The following ATP8A1 variants were observed in gnomAD, a reference collection of about 807,000 sequenced individuals.
ATP8A1 encodes phospholipid-transporting ATPase IA.
In ATP8A1, 90 loss-of-function variants were observed where a neutral mutation model predicts 177.7. The ratio of observed to expected loss-of-function variants is 0.51; its 90% CI spans 0.43 to 0.60. The LOEUF (loss-of-function observed/expected upper bound fraction) is 0.60, where lower values mean the gene tolerates loss of function less well. ATP8A1 is among the 20% of genes least tolerant of loss of function. ATP8A1 has a pLI of 0.00. For synonymous variants in ATP8A1, 493 were observed against 485.9 expected (o/e 1.01, Z -0.19); for missense variants, 1,072 against 1,392.8 (o/e 0.77, Z 3.67).
rs144122486 is a variant in ATP8A1 at position 42,631,592 on chromosome 4, C to T, written c.50-4483G>A. ...ACCTCTTAAAAGTTTGTTGCAATAT[C>T]TTGACAATGAGGCCATGATACTTCA... is the stretch of plus-strand genomic sequence containing the variant. On this transcript the variant is annotated intron_variant, in intron 1 of 36. Coordinates refer to ENST00000381668, the MANE Select transcript of ATP8A1 (RefSeq NM_006095.2). Among the ~76,000 whole-genome samples, 468 of 152,284 alleles carry T rather than the reference C, an allele frequency of 3.1e-3. 3 individuals are homozygous for T. Among genetic ancestry groups the T allele is most frequent in the African/African-American group, 0.011 (443 of 41,562 alleles).
chr4:42,442,510 T>C (rs536392012), intron 33 of ATP8A1, among the ~76,000 whole-genome samples: 2 of 152,344 alleles, frequency 1.3e-5, no homozygotes, highest in South Asian at 2.1e-4. Context: ...TTTCACAATA[T>C]ATGTTTCAAA....
intron 20 of ATP8A1, among the ~76,000 whole-genome samples, chr4:42,532,757 T>C (rs1034864441): frequency 6.6e-6 from 1 of 152,236 alleles, no homozygotes; most frequent in African/African-American, 2.4e-5. Flanking sequence ...GTGACTTGCA[T>C]GTATACATCC....
At chr4:42,536,962 C>T (rs572012871) in intron 20 of ATP8A1, among the ~76,000 whole-genome samples, 46 of 152,060 alleles carry the variant, frequency 3.0e-4, no homozygotes, top group African/African-American at 1.1e-3. Context: ...GAAACCCTGT[C>T]TCTACTAAAA....
intron 22 of ATP8A1, among the ~76,000 whole-genome samples, chr4:42,515,315 AAG>A (rs1560411078): frequency 6.6e-6 from 1 of 152,232 alleles, no homozygotes; most frequent in Non-Finnish European, 1.5e-5. Context: ...TGCAGCTACT[AAG>A]AATAGATGTG....
intron 25 of ATP8A1, among the ~76,000 whole-genome samples, chr4:42,473,367 C>T (rs1173688123): frequency 6.6e-6 from 1 of 152,142 alleles, no homozygotes; most frequent in Admixed American, 6.5e-5. Flanking sequence ...TCTGAAGAGA[C>T]AGAAATTTTT....
rs1364291768 is a variant in ATP8A1 at position 42,424,786 on chromosome 4, C to T, written c.3124-1081G>A. Among the ~76,000 whole-genome samples, 8 of 152,052 alleles carry T rather than the reference C, an allele frequency of 5.3e-5. No individual in the cohort carries two copies. In the East Asian group the frequency reaches 9.6e-4, roughly 18 times the overall value. Reference sequence around the variant, plus strand: ...TTGACATGAGCTTATCGATACAGACCGCAGGTTCAGGGACGCTAAGATTTT... The same window carrying T: ...TTGACATGAGCTTATCGATACAGACTGCAGGTTCAGGGACGCTAAGATTTT... On this transcript the variant is annotated intron_variant, in intron 33 of 36. Coordinates refer to ENST00000381668, the MANE Select transcript of ATP8A1 (RefSeq NM_006095.2).
Position 42,455,358 on chromosome 4 carries a change from T to G in ATP8A1, c.2756A>C (p.Asn919Thr). The G allele has an allele frequency of 6.2e-7, 1 of 1,613,948 alleles. No homozygotes were observed. Among genetic ancestry groups the G allele is most frequent in the Non-Finnish European group, 8.5e-7 (1 of 1,179,828 alleles). Residue 919 changes from asparagine (N) to threonine (T), a missense_variant, in exon 29 of 37, where the codon AAC (asparagine) becomes ACC (threonine). This residue lies in a region of ATP8A1 where 316 missense variants were observed against 459.1 expected (regional missense o/e 0.69). Coordinates refer to ENST00000381668, the MANE Select transcript of ATP8A1 (RefSeq NM_006095.2). ...GTATAATTCAGGGTACTTCAACATGTTCTCTTTTCTGCATGATCTCTCAAA... is the reference window on the plus strand; with the variant it reads ...GTATAATTCAGGGTACTTCAACATGGTCTCTTTTCTGCATGATCTCTCAAA... ...GIFERSCRKE[N>T]MLKYPELYKT...
At chr4:42,551,339 C>T in intron 17 of ATP8A1, 59 bp from the exon 18 acceptor site, 2 of 1,198,506 alleles carry the variant, frequency 1.7e-6, no homozygotes, top group African/African-American at 1.5e-5. Context: ...ATTCTCAGCA[C>T]AAGAGAAGTA....
chr4:42,648,731 AG>A (rs1314863303), intron 1 of ATP8A1, among the ~76,000 whole-genome samples: 2 of 152,220 alleles, frequency 1.3e-5, no homozygotes, highest in African/African-American at 2.4e-5. Context: ...ACTATGAATA[AG>A]GAAAAAAGGT....
At chr4:42,642,482 A>G (rs564381719) in intron 1 of ATP8A1, among the ~76,000 whole-genome samples, 2 of 152,230 alleles carry the variant, frequency 1.3e-5, no homozygotes, top group Admixed American at 1.3e-4. Context: ...TAGCTAAAGA[A>G]GACGACAGAA....
At chr4:42,617,842 C>T (rs1378439987) in intron 4 of ATP8A1, among the ~76,000 whole-genome samples, 1 of 152,156 alleles carries the variant, frequency 6.6e-6, no homozygotes, top group Non-Finnish European at 1.5e-5. Context: ...GGTTACTTGT[C>T]ATGAAACAAG....
chr4:42,551,076 A>G, intron 18 of ATP8A1, 122 bp downstream of exon 18: 1 of 734,856 alleles, frequency 1.4e-6, no homozygotes, highest in Non-Finnish European at 2.4e-6. Flanking sequence ...AAGAACACCC[A>G]GTAGTTGCTT....
rs540525170 is a variant in ATP8A1, at chr4:42,421,432, A to T, written c.3305+1375T>A. Among the ~76,000 whole-genome samples the T allele has an allele frequency of 3.3e-5, 5 of 152,278 alleles. No individual in the cohort carries two copies. In the South Asian group the frequency reaches 1.0e-3, roughly 32 times the overall value. On this transcript the variant is annotated intron_variant, in intron 35 of 36. Transcript: ENST00000381668. ...TCCAGGCCCAGATCTGTCACTAACA[A>T]CTTTGGGAACTTCATCTCTCGAAGC...
At chr4:42,427,194 C>T (rs1166582960) in intron 33 of ATP8A1, among the ~76,000 whole-genome samples, 2 of 152,068 alleles carry the variant, frequency 1.3e-5, no homozygotes, top group Non-Finnish European at 2.9e-5. Flanking sequence ...TTTACGAAAA[C>T]GTAGAACTTC....
chr4:42,437,101 C>T lies in ATP8A1; in HGVS notation c.3123+6464G>A, dbSNP rs1179794848. On this transcript the variant is annotated intron_variant, in intron 33 of 36. Transcript: ENST00000381668. The stretch of plus-strand genomic sequence containing the variant: ...TCAGTAGTTTTATAGATCCCTTAGG[C>T]CAGGGAGAGCAGAAACAGATGGTGC... Among the ~76,000 whole-genome samples the T allele has an allele frequency of 2.0e-5, 3 of 152,234 alleles. No homozygotes were observed. The East Asian group carries it at 5.8e-4, about 29-fold the overall frequency.
At chr4:42,552,429 T>C (rs953898726) in intron 17 of ATP8A1, 76 bp downstream of exon 17, 2 of 1,251,868 alleles carry the variant, frequency 1.6e-6, no homozygotes, top group Non-Finnish European at 2.2e-6. Context: ...TTTGGCTATC[T>C]TTTTAAAATT....
intron 7 of ATP8A1, among the ~76,000 whole-genome samples, chr4:42,589,939 TG>T (rs1373916083): frequency 6.6e-6 from 1 of 152,088 alleles, no homozygotes; most frequent in African/African-American, 2.4e-5. Flanking sequence ...TATTTGAAGT[TG>T]GGGTAATAAA....
chr4:42,529,828 G>A (rs1212531615), intron 20 of ATP8A1, among the ~76,000 whole-genome samples: 1 of 152,234 alleles, frequency 6.6e-6, no homozygotes, highest in Non-Finnish European at 1.5e-5. Context: ...GCAGCTGGTT[G>A]TGCACTTTGC....
At chr4:42,606,565 T>C (rs750674060) in intron 5 of ATP8A1, among the ~76,000 whole-genome samples, 3 of 152,164 alleles carry the variant, frequency 2.0e-5, no homozygotes, top group Non-Finnish European at 2.9e-5. Flanking sequence ...ACATTATAAA[T>C]CACCAGCTAG....
Sources: gnomAD v4.1 joint callset for allele counts (sites outside exome capture counted in the v4.1 genomes callset) on GRCh38, gnomAD v4.1.1 for gene constraint, gnomAD v4.1.1 regional missense constraint, MANE v1.5 for transcripts, NCBI Gene and HGNC (gene_info 2026-07-23, HGNC 2026-07-21) for gene names.